Variants in ZCWPW2 observed in about 807,000 individuals in gnomAD.
ZCWPW2 encodes zinc finger CW-type and PWWP domain containing 2.
Under a neutral mutation model 46.6 loss-of-function variants are expected in ZCWPW2, and 45 were observed. The observed-to-expected ratio is 0.96, with a 90% CI of 0.76 to 1.24. The LOEUF is 1.24. ZCWPW2 is among the 50% of genes most tolerant of loss of function. The probability of loss-of-function intolerance (pLI) is 0.00; values close to 1 mark genes in which losing one functional copy is unlikely to be tolerated. For missense variants in ZCWPW2, 429 were observed against 403.9 expected, an observed-to-expected ratio of 1.06 and a Z score of -0.53; for synonymous variants, 152 against 137.1, an observed-to-expected ratio of 1.11 and a Z score of -0.76.
At chr3:28,424,007 C>A (rs563335210) in intron 3 of ZCWPW2, among the ~76,000 whole-genome samples, 8 of 151,986 alleles carry the variant, frequency 5.3e-5, no homozygotes, top group East Asian at 1.9e-4. Context: ...TTATAGTTGC[C>A]CTACCTGTAT....
chr3:28,444,636 G>T (rs183146382), intron 4 of ZCWPW2, among the ~76,000 whole-genome samples: 1 of 152,102 alleles, frequency 6.6e-6, no homozygotes, highest in Non-Finnish European at 1.5e-5. Flanking sequence ...TCAGTCACTC[G>T]CATGATAAGA....
intron 1 of ZCWPW2, among the ~76,000 whole-genome samples, chr3:28,386,053 T>C (rs1695261287): frequency 6.6e-6 from 1 of 152,140 alleles, no homozygotes; most frequent in Non-Finnish European, 1.5e-5. Flanking sequence ...CAGCTTTTGC[T>C]TTTGTTGATT....
chr3:28,481,785 C>T (rs2125807188), intron 5 of ZCWPW2, among the ~76,000 whole-genome samples: 1 of 151,934 alleles, frequency 6.6e-6, no homozygotes, highest in South Asian at 2.1e-4. Flanking sequence ...TAAATTTCAA[C>T]CCAACCACCT....
At chr3:28,409,164 AG>A (rs1696296952) in intron 2 of ZCWPW2, among the ~76,000 whole-genome samples, 1 of 117,744 alleles carries the variant, frequency 8.5e-6, no homozygotes, top group African/African-American at 3.4e-5. Context: ...TTTGTCACCC[AG>A]GCTGGAATGC....
At chr3:28,356,258 T>C (rs999537375) in intron 1 of ZCWPW2, among the ~76,000 whole-genome samples, 5 of 152,202 alleles carry the variant, frequency 3.3e-5, no homozygotes, top group Admixed American at 3.3e-4. Flanking sequence ...AAAATGCTCA[T>C]CATCACTGGC....
At chr3:28,504,217 A>G (rs1436894937) in intron 6 of ZCWPW2, among the ~76,000 whole-genome samples, 3 of 152,116 alleles carry the variant, frequency 2.0e-5, no homozygotes, top group Non-Finnish European at 4.4e-5. Flanking sequence ...TAATAATAAC[A>G]ATAATTCTTT....
chr3:28,472,015 A>G (rs945218410), intron 4 of ZCWPW2, among the ~76,000 whole-genome samples: 30 of 152,282 alleles, frequency 2.0e-4, no homozygotes, highest in African/African-American at 6.5e-4. Flanking sequence ...AATTATCTCA[A>G]CCAAAAAAGT....
At chr3:28,435,748 A>G (rs1697461770) in intron 4 of ZCWPW2, among the ~76,000 whole-genome samples, 1 of 152,108 alleles carries the variant, frequency 6.6e-6, no homozygotes, top group African/African-American at 2.4e-5. Flanking sequence ...GGCCTCCGAA[A>G]GTGCTGGGAT....
Position 28,492,147 on chromosome 3 carries a change from A to G in ZCWPW2, c.631A>G (p.Lys211Glu). ...TACAGATAAATCCGAAACACATGAC[A>G]AAGTTGCTGCACTGGTCAAGAAAAG... ...KLQDKSETHD[K>E]VAALVKKRKQ... The change falls in exon 6 of 10, where the codon AAA becomes GAA. Residue 211 changes from lysine to glutamate, a missense_variant. By Grantham distance (56) the Lys-to-Glu change is moderately conservative (BLOSUM62 1). Transcript: ENST00000383768. The G allele has an allele frequency of 6.2e-7, 1 of 1,609,972 alleles. No individual in the cohort carries two copies. Among genetic ancestry groups the G allele is most frequent in the Admixed American group, 1.7e-5 (1 of 59,442 alleles).
intron 1 of ZCWPW2, among the ~76,000 whole-genome samples, chr3:28,349,996 T>C (rs1420519693): frequency 6.6e-6 from 1 of 152,216 alleles, no homozygotes; most frequent in African/African-American, 2.4e-5. Flanking sequence ...AAGTTGAAGT[T>C]TTATGACATT....
intron 1 of ZCWPW2, among the ~76,000 whole-genome samples, chr3:28,364,934 T>C (rs977408213): frequency 1.1e-4 from 17 of 152,234 alleles, no homozygotes; most frequent in Admixed American, 3.9e-4. Flanking sequence ...TGAGCATTTT[T>C]TCATGTGTCT....
In ZCWPW2 at chr3:28,388,850, A is replaced by G. The variant is rs1196394207; in HGVS notation, c.-133-1648A>G. Among the ~76,000 whole-genome samples the G allele has an allele frequency of 2.6e-5, 4 of 152,244 alleles. No homozygotes were observed. In the East Asian group the frequency reaches 5.8e-4, roughly 22 times the overall value. On this transcript the variant is annotated intron_variant, in intron 1 of 9. Coordinates refer to ENST00000383768, the MANE Select transcript of ZCWPW2 (RefSeq NM_001040432.4). ...TAAGTACTCCTGCCTGTTTTGGGTT[A>G]TTATAATTTTCTCTTAACTTTAGTC...
At chr3:28,371,969 T>TTCCTCCTCC (rs34265386) in intron 1 of ZCWPW2, among the ~76,000 whole-genome samples, 1 of 150,782 alleles carries the variant, frequency 6.6e-6, no homozygotes, top group African/African-American at 2.4e-5. Context: ...TCCTTCTTCT[T>TTCCTCCTCC]TCCTCCTCCT....
intron 5 of ZCWPW2, among the ~76,000 whole-genome samples, chr3:28,491,705 G>A (rs1316212484): frequency 6.6e-6 from 1 of 151,942 alleles, no homozygotes; most frequent in African/African-American, 2.4e-5. Context: ...GTTATAATGA[G>A]AATTAAATAA....
chr3:28,435,721 T>C (rs1008355000), intron 4 of ZCWPW2, among the ~76,000 whole-genome samples: 4 of 152,026 alleles, frequency 2.6e-5, no homozygotes, highest in Non-Finnish European at 4.4e-5. Context: ...CTCCTGACCT[T>C]GTGATCAGCC....
chr3:28,384,601 C>A (rs952004094), intron 1 of ZCWPW2, among the ~76,000 whole-genome samples: 1 of 151,192 alleles, frequency 6.6e-6, no homozygotes, highest in Non-Finnish European at 1.5e-5. Context: ...TTCAAGTTGA[C>A]CAATCTTTCT....
chr3:28,405,815 A>C (rs1275331028), intron 2 of ZCWPW2, among the ~76,000 whole-genome samples: 1 of 152,136 alleles, frequency 6.6e-6, no homozygotes, highest in East Asian at 1.9e-4. Context: ...CCCAGAAAGA[A>C]AAGAGGAGTG....
intron 2 of ZCWPW2, among the ~76,000 whole-genome samples, chr3:28,401,335 C>T (rs570298218): frequency 3.9e-5 from 6 of 152,220 alleles, no homozygotes; most frequent in Admixed American, 6.5e-5. Flanking sequence ...ATTGCAGAAT[C>T]GATAAGAATT....
intron 1 of ZCWPW2, among the ~76,000 whole-genome samples, chr3:28,383,188 T>C (rs936780106): frequency 5.9e-5 from 9 of 152,110 alleles, no homozygotes; most frequent in African/African-American, 2.2e-4. Flanking sequence ...ATATAAGACA[T>C]CTAAAGCAGA....
Sources: gnomAD v4.1 joint callset for allele counts (sites outside exome capture counted in the v4.1 genomes callset) on GRCh38, gnomAD v4.1.1 for gene constraint, MANE v1.5 for transcripts, NCBI Gene and HGNC (gene_info 2026-07-23, HGNC 2026-07-21) for gene names.